The following FBXO21 variants were observed in gnomAD, a reference collection of about 807,000 sequenced individuals.
FBXO21 encodes F-box only protein 21.
Under a neutral mutation model 76.6 loss-of-function variants are expected in FBXO21, and 32 were observed. That is an observed-to-expected ratio of 0.42 (90% CI 0.32 to 0.56). The LOEUF is 0.56. Among genes scored for constraint, FBXO21 ranks in the 20% least tolerant of loss-of-function variants. The pLI is 0.16. For missense variants in FBXO21, 586 were observed against 797.3 expected, an observed-to-expected ratio of 0.73 and a Z score of 3.19; for synonymous variants, 328 against 311.5, an observed-to-expected ratio of 1.05 and a Z score of -0.56.
At chr12:117,153,700 GAC>G (rs1175006263) in intron 11 of FBXO21, among the ~76,000 whole-genome samples, 3 of 152,254 alleles carry the variant, frequency 2.0e-5, no homozygotes, top group African/African-American at 7.2e-5. Context: ...AGCGCTTGCT[GAC>G]ACAGCGCTGA....
At position 117,146,289 on chromosome 12, in the gene FBXO21, G is replaced by C; in HGVS notation, c.1676-12C>G. 1 of 1,594,420 alleles carries C rather than the reference G, an allele frequency of 6.3e-7. No homozygotes were observed. The highest frequency in any genetic ancestry group is 1.3e-5 in the African/African-American group (1 of 74,242). Reference sequence around the variant, plus strand: ...ATATTCCAAGTTTTCTGTTGGTAAAGAGGCACACGGGCATTCTCATTACAA... The same window carrying C: ...ATATTCCAAGTTTTCTGTTGGTAAACAGGCACACGGGCATTCTCATTACAA... On this transcript the variant is annotated splice_polypyrimidine_tract_variant and intron_variant, in intron 11 of 11. Coordinates refer to ENST00000622495, the MANE Select transcript of FBXO21 (RefSeq NM_015002.3).
intron 9 of FBXO21, among the ~76,000 whole-genome samples, chr12:117,162,337 G>A (rs1361001401): frequency 4.6e-5 from 7 of 152,240 alleles, no homozygotes; most frequent in Admixed American, 6.5e-5. Context: ...ACGGGATGCC[G>A]CATGGGGTGG....
chr12:117,181,370 T>C (rs1956229027), intron 3 of FBXO21, among the ~76,000 whole-genome samples: 1 of 152,254 alleles, frequency 6.6e-6, no homozygotes, highest in Non-Finnish European at 1.5e-5. Flanking sequence ...AAAAGTCTGA[T>C]GATATTCTTA....
At chr12:117,150,964 G>A (rs1311728187) in intron 11 of FBXO21, among the ~76,000 whole-genome samples, 1 of 83,902 alleles carries the variant, frequency 1.2e-5, no homozygotes, top group Non-Finnish European at 2.6e-5. Flanking sequence ...GTTTGTGTGT[G>A]TGTGTGTGTG....
chr12:117,147,300 A>AG (rs1565993543), intron 11 of FBXO21, among the ~76,000 whole-genome samples: 4 of 117,062 alleles, frequency 3.4e-5, no homozygotes, highest in East Asian at 2.8e-4. Flanking sequence ...GAAAAAAAAA[A>AG]AAAAAAAGAA....
At chr12:117,184,789 A>C (rs1300234210) in intron 3 of FBXO21, among the ~76,000 whole-genome samples, 1 of 152,210 alleles carries the variant, frequency 6.6e-6, no homozygotes, top group Non-Finnish European at 1.5e-5. Context: ...ACATACCACA[A>C]AAGAGTAAGT....
chr12:117,168,629 TG>T (rs554668836), intron 7 of FBXO21, among the ~76,000 whole-genome samples: 25 of 152,220 alleles, frequency 1.6e-4, no homozygotes, highest in Non-Finnish European at 2.9e-4. Flanking sequence ...ACTCTTTTTA[TG>T]AGGCTAGAAC....
chr12:117,190,204 G>A lies in FBXO21; in HGVS notation c.239+14C>T. The A allele has an allele frequency of 2.2e-6, 3 of 1,339,562 alleles. No individual in the cohort carries two copies. Among genetic ancestry groups the A allele is most frequent in the Non-Finnish European group, 2.9e-6 (3 of 1,042,638 alleles). 83.0% of individuals were successfully genotyped at this position (1,339,562 alleles called of 1,614,324 possible). On this transcript the variant is annotated intron_variant, in intron 1 of 11. Transcript: ENST00000622495. ...CGGTGGGCGCGCAGCCGGGGCGCGG[G>A]GCCGCTGGCTCACCTCACCCGGAAC...
intron 9 of FBXO21, among the ~76,000 whole-genome samples, chr12:117,158,498 G>C (rs1002895594): frequency 6.6e-6 from 1 of 152,144 alleles, no homozygotes; most frequent in South Asian, 2.1e-4. Context: ...ATTTTCACTT[G>C]CCACTCACGA....
In FBXO21 at chr12:117,167,292, T is replaced by C. The variant is rs1449699179; in HGVS notation, c.1014-215A>G. ...TAAGAAACAGCACCAATGTATGTCA[T>C]CTAATAGCGTTCTTTAGGAAGACTA... On this transcript the variant is annotated intron_variant, in intron 7 of 11. Coordinates refer to ENST00000622495, the MANE Select transcript of FBXO21 (RefSeq NM_015002.3). 2.0e-5 allele frequency among the ~76,000 whole-genome samples: 3 copies of C among 152,328 alleles called. No homozygotes were observed. In the East Asian group the frequency reaches 5.8e-4, roughly 29 times the overall value.
chr12:117,167,666 G>A (rs903339349), intron 7 of FBXO21, among the ~76,000 whole-genome samples: 2 of 151,906 alleles, frequency 1.3e-5, no homozygotes, highest in African/African-American at 2.4e-5. Context: ...GTGTGAACCC[G>A]GGAGGCGGAG....
Position 117,143,825 on chromosome 12 carries a change from AT to A in FBXO21, c.*2261del, listed in dbSNP as rs1228760797. On this transcript the variant is annotated 3_prime_UTR_variant, in exon 12 of 12. Transcript: ENST00000622495. The stretch of plus-strand genomic sequence containing the variant: ...CATTTATTAATCATTGTACAAAAAA[AT>A]CTTGGCATTCATTTGAAGAGAAAAG... 3.9e-5 allele frequency: 6 copies of A among 152,686 alleles called. No homozygotes were observed. Among genetic ancestry groups the A allele is most frequent in the Admixed American group, 1.3e-4 (2 of 15,292 alleles). 9.5% of individuals were successfully genotyped at this position (152,686 alleles called of 1,614,324 possible).
chr12:117,150,871 C>CTG (rs372253197), intron 11 of FBXO21, among the ~76,000 whole-genome samples: 1,896 of 127,692 alleles, frequency 0.015, 54 homozygotes, highest in East Asian at 0.079. Flanking sequence ...TGGCCATGGA[C>CTG]TGTGTGTGTG....
At chr12:117,166,319 T>C (rs936492273) in intron 8 of FBXO21, among the ~76,000 whole-genome samples, 6 of 152,102 alleles carry the variant, frequency 3.9e-5, no homozygotes, top group African/African-American at 1.4e-4. Context: ...ACACACAGAA[T>C]ATATGACACC....
chr12:117,152,206 C>T (rs532235482), intron 11 of FBXO21, among the ~76,000 whole-genome samples: 3 of 152,292 alleles, frequency 2.0e-5, no homozygotes, highest in East Asian at 3.9e-4. Flanking sequence ...GTGGCTCACA[C>T]CTGTGATCTC....
At chr12:117,167,136 C>G in intron 7 of FBXO21, 59 bp from the exon 8 acceptor site, 1 of 1,291,228 alleles carries the variant, frequency 7.7e-7, no homozygotes, top group African/African-American at 1.5e-5. Flanking sequence ...TAAGTCTCCA[C>G]AGTAAGTAGC....
At position 117,190,463 on chromosome 12, in the gene FBXO21, C is replaced by T. The variant is rs904898561; in HGVS notation, c.-7G>A. 1.6e-6 allele frequency: 2 copies of T among 1,273,836 alleles called. No individual in the cohort carries two copies. Among genetic ancestry groups the T allele is most frequent in the African/African-American group, 1.6e-5 (1 of 64,474 alleles). 78.9% of individuals were successfully genotyped at this position (1,273,836 alleles called of 1,614,324 possible). A position where few individuals can be genotyped will look rare whatever the true frequency, so the allele number is the denominator to read the frequency against. ...CGACTGCTGCCGCCGCCATCTTGTC[C>T]GCGTACCTGGGGCCGCCGCGCGCGC... On this transcript the variant is annotated 5_prime_UTR_variant, in exon 1 of 12. Transcript: ENST00000622495.
chr12:117,186,730 T>C (rs1956286716), intron 2 of FBXO21, among the ~76,000 whole-genome samples, 159 bp from the exon 3 acceptor site: 1 of 142,002 alleles, frequency 7.0e-6, no homozygotes, highest in Non-Finnish European at 1.6e-5. Context: ...GAAAATAACA[T>C]AAAGTAACAA....
intron 9 of FBXO21, among the ~76,000 whole-genome samples, chr12:117,163,958 A>C (rs1386685179): frequency 2.0e-5 from 3 of 151,230 alleles, no homozygotes; most frequent in African/African-American, 7.3e-5. Context: ...AAACAAACCA[A>C]AAAAACCCCA....
Sources: gnomAD v4.1 joint callset for allele counts (sites outside exome capture counted in the v4.1 genomes callset) on GRCh38, gnomAD v4.1.1 for gene constraint, MANE v1.5 for transcripts, NCBI Gene and HGNC (gene_info 2026-07-23, HGNC 2026-07-21) for gene names.